Variants in TCF4 observed in about 807,000 individuals in gnomAD.
TCF4 encodes transcription factor 4.
In TCF4, 3 loss-of-function variants were observed where a neutral mutation model predicts 82.1. The observed-to-expected ratio is 0.04, with a 90% CI of 0.02 to 0.09. The LOEUF (loss-of-function observed/expected upper bound fraction) is 0.09. TCF4 is among the 10% of genes least tolerant of loss of function. The pLI, the probability that TCF4 is intolerant of heterozygous loss-of-function variation, is 1.00. For synonymous variants in TCF4, 276 were observed against 309.6 expected (o/e 0.89, Z 1.14); for missense variants, 518 against 852.7 (o/e 0.61, Z 4.89).
At chr18:55,322,436 A>G in intron 8 of TCF4, 1 of 1,006,592 alleles carries the variant, frequency 9.9e-7, no homozygotes, top group Non-Finnish European at 1.2e-6. Context: ...AAAAAAAAAA[A>G]AAAAAAAAAA....
intron 5 of TCF4, among the ~76,000 whole-genome samples, chr18:55,449,332 A>G (rs938246727): frequency 1.3e-5 from 2 of 152,218 alleles, no homozygotes; most frequent in African/African-American, 4.8e-5. Flanking sequence ...AAGACCATCA[A>G]TAAATAAGGA....
At chr18:55,463,541 G>A (rs2095919287) in intron 4 of TCF4, among the ~76,000 whole-genome samples, 1 of 152,148 alleles carries the variant, frequency 6.6e-6, no homozygotes, top group African/African-American at 2.4e-5. Flanking sequence ...GATCCATCTA[G>A]TGATCAAAGT....
chr18:55,621,498 GTACAT>G (rs1473160893), intron 2 of TCF4, among the ~76,000 whole-genome samples: 1 of 38,224 alleles, frequency 2.6e-5, no homozygotes, highest in Non-Finnish European at 4.1e-5. Flanking sequence ...ATTATATAAT[GTACAT>G]TATATATATA....
intron 3 of TCF4, among the ~76,000 whole-genome samples, chr18:55,483,230 T>C (rs1186191156): frequency 6.6e-6 from 1 of 152,184 alleles, no homozygotes; most frequent in African/African-American, 2.4e-5. Flanking sequence ...TCTGCAGTGC[T>C]CCTGTGACTT....
At chr18:55,574,193 A>T (rs985273958) in intron 3 of TCF4, among the ~76,000 whole-genome samples, 1 of 152,242 alleles carries the variant, frequency 6.6e-6, no homozygotes, top group Admixed American at 6.5e-5. Context: ...GCCTTCCTTT[A>T]TATTCACATA....
chr18:55,370,103 G>C (rs572091659), intron 6 of TCF4, among the ~76,000 whole-genome samples: 3 of 152,178 alleles, frequency 2.0e-5, no homozygotes, highest in Non-Finnish European at 2.9e-5. Flanking sequence ...TCAATATTAC[G>C]TTAAAAAGAG....
Position 55,288,878 on chromosome 18 carries a change from C to T in TCF4, c.550-9222G>A, listed in dbSNP as rs184873839. 2.6e-5 allele frequency among the ~76,000 whole-genome samples: 4 copies of T among 152,328 alleles called. No homozygotes were observed. In the East Asian group the frequency reaches 5.8e-4, roughly 22 times the overall value. On this transcript the variant is annotated intron_variant, in intron 8 of 19. Transcript: ENST00000354452. ...AGACCCACGACTAAATATCAGCACA[C>T]TAAACTGATTAAAAACCACCATGTT...
At chr18:55,275,275 G>GAAAAAAAAAAAAAAAA (rs533160424) in intron 10 of TCF4, among the ~76,000 whole-genome samples, 1 of 71,364 alleles carries the variant, frequency 1.4e-5, no homozygotes, top group African/African-American at 5.1e-5. Flanking sequence ...ACTACAGATA[G>GAAAAAAAAAAAAAAAA]AAAAAAAAAA....
chr18:55,571,574 T>C lies in TCF4; in HGVS notation c.145+13706A>G, dbSNP rs1181027797. Among the ~76,000 whole-genome samples, 3 of 152,212 alleles carry C rather than the reference T, an allele frequency of 2.0e-5. No individual in the cohort carries two copies. In the East Asian group the frequency reaches 5.8e-4, roughly 29 times the overall value. On this transcript the variant is annotated intron_variant, in intron 3 of 19. Transcript: ENST00000354452. ...TTTGTTACACAGATTATTCTGTAGG[T>C]ATCAAGTATTATAAGATAAAATATG... is the stretch of plus-strand genomic sequence containing the variant.
chr18:55,322,481 A>T, intron 8 of TCF4: 1 of 1,001,724 alleles, frequency 1.0e-6, no homozygotes, highest in African/African-American at 1.7e-5. Context: ...TCAAAAGGAG[A>T]GAGGGGGCAG....
At chr18:55,586,196 AG>A in intron 2 of TCF4, 1 of 745,250 alleles carries the variant, frequency 1.3e-6, no homozygotes, top group Non-Finnish European at 1.9e-6. Context: ...CAGCAGCAGC[AG>A]CAGCAGCAGC....
intron 6 of TCF4, among the ~76,000 whole-genome samples, chr18:55,397,244 A>G (rs754271167): frequency 2.6e-5 from 4 of 152,194 alleles, no homozygotes; most frequent in Non-Finnish European, 4.4e-5. Flanking sequence ...AGCACCCCCA[A>G]TGAAGTACTC....
At chr18:55,483,741 T>C (rs1444459996) in intron 3 of TCF4, among the ~76,000 whole-genome samples, 2 of 152,226 alleles carry the variant, frequency 1.3e-5, no homozygotes, top group Non-Finnish European at 2.9e-5. Flanking sequence ...GATCAGGTGA[T>C]AGCAAGATAC....
intron 2 of TCF4, among the ~76,000 whole-genome samples, chr18:55,601,553 G>A (rs1247102002): frequency 3.9e-5 from 6 of 152,112 alleles, no homozygotes; most frequent in African/African-American, 1.4e-4. Context: ...GGAGGCCAAG[G>A]CGGGCAGATC....
At chr18:55,491,555 C>T (rs955007322) in intron 3 of TCF4, among the ~76,000 whole-genome samples, 1 of 152,116 alleles carries the variant, frequency 6.6e-6, no homozygotes, top group Non-Finnish European at 1.5e-5. Context: ...CCTTTATGTC[C>T]CCAAATCTGG....
intron 6 of TCF4, chr18:55,401,429 A>G: frequency 9.4e-7 from 1 of 1,064,796 alleles, no homozygotes; most frequent in South Asian, 3.0e-5. Context: ...AAGGCTTTTT[A>G]AGAAAAGCAT....
At chr18:55,506,391 C>T (rs1044576674) in intron 3 of TCF4, among the ~76,000 whole-genome samples, 14 of 152,270 alleles carry the variant, frequency 9.2e-5, no homozygotes, top group Non-Finnish European at 1.6e-4. Context: ...TCAAGTCAGG[C>T]TTTTGATAAT....
At chr18:55,627,806 A>G (rs1356698398) in intron 2 of TCF4, among the ~76,000 whole-genome samples, 1 of 151,624 alleles carries the variant, frequency 6.6e-6, no homozygotes, top group African/African-American at 2.4e-5. Context: ...CACGCCTGTA[A>G]TCCCAGCACT....
Position 55,572,511 on chromosome 18 carries a change from G to C in TCF4, c.145+12769C>G, listed in dbSNP as rs2097483073. On this transcript the variant is annotated intron_variant, in intron 3 of 19. Transcript: ENST00000354452. ...TTGTAAAAAGGGGAAGCTTCATTTT[G>C]TTCCTAATCAGGAGTTACCAGGTAA... is the stretch of plus-strand genomic sequence containing the variant. Among the ~76,000 whole-genome samples, 2 of 152,090 alleles carry C rather than the reference G, an allele frequency of 1.3e-5. 1 individual carries two copies.
Sources: allele counts gnomAD v4.1 joint callset (sites outside exome capture counted in the v4.1 genomes callset), GRCh38; gene constraint gnomAD v4.1.1; transcripts MANE v1.5; gene names NCBI Gene and HGNC (gene_info 2026-07-23, HGNC 2026-07-21).